Variants in AKAP9 observed in about 807,000 individuals in gnomAD.
AKAP9 encodes the protein A-kinase anchor protein 9.
AKAP9 carries 311 observed loss-of-function variants against 488.5 expected under a neutral mutation model. The observed-to-expected ratio is 0.64, with a 90% CI of 0.58 to 0.70. The LOEUF (loss-of-function observed/expected upper bound fraction) is 0.70. AKAP9 is among the 30% of genes least tolerant of loss of function. AKAP9 has a pLI of 0.00. For synonymous variants in AKAP9, 1,462 were observed against 1,483.5 expected, an observed-to-expected ratio of 0.99 and a Z score of 0.33; for missense variants, 4,215 against 4,374.5, an observed-to-expected ratio of 0.96 and a Z score of 1.03.
At chr7:92,047,611 G>T (rs899000037) in intron 21 of AKAP9, among the ~76,000 whole-genome samples, 1 of 152,172 alleles carries the variant, frequency 6.6e-6, no homozygotes, top group Non-Finnish European at 1.5e-5. Flanking sequence ...GCAATTCATA[G>T]TCTAATGAAG....
chr7:92,012,725 A>G lies in AKAP9; in HGVS notation c.3532+83A>G, dbSNP rs1800921238. 4 of 1,168,756 alleles carry G rather than the reference A, an allele frequency of 3.4e-6. 1 individual carries two copies. Among genetic ancestry groups the G allele is most frequent in the Non-Finnish European group, 3.7e-6 (3 of 801,436 alleles). The allele number at this position is 1,168,756 out of a possible 1,614,324, so 72.4% of individuals were successfully genotyped here. On this transcript the variant is annotated intron_variant, in intron 9 of 49. Coordinates refer to ENST00000356239, the MANE Select transcript of AKAP9 (RefSeq NM_005751.5). The stretch of plus-strand genomic sequence containing the variant: ...ACCATTCTATAATTTTTTCCTTGTC[A>G]TAGAACCCACAGAGGAAGGTGATTT...
chr7:91,995,718 T>G lies in AKAP9; in HGVS notation c.848T>G (p.Leu283Ter). The G allele has an allele frequency of 6.2e-7, 1 of 1,613,810 alleles. No homozygotes were observed. Among genetic ancestry groups the G allele is most frequent in the Non-Finnish European group, 8.5e-7 (1 of 1,179,712 alleles). The change falls in exon 7 of 50, where the codon TTA (leucine) becomes TGA (stop). Residue 283 changes from leucine (L) to a stop codon, truncating the protein, a stop_gained. Coordinates refer to ENST00000356239, the MANE Select transcript of AKAP9 (RefSeq NM_005751.5). LOFTEE classifies it high-confidence loss of function. ...HQQQLEEQDH[L>*]LEDYQKKKED... ...CAGCAGCTTGAAGAACAAGACCACT[T>G]ATTAGAAGATTATCAGAAAAAGAAA...
chr7:91,944,358 A>G (rs1009800673), intron 1 of AKAP9, among the ~76,000 whole-genome samples: 9 of 151,832 alleles, frequency 5.9e-5, no homozygotes, highest in South Asian at 2.1e-4. Context: ...TCTTGATACA[A>G]TGTATCTCTT....
intron 16 of AKAP9, 148 bp from the exon 17 acceptor site, chr7:92,038,271 G>T (rs1044552954): frequency 3.6e-6 from 2 of 562,672 alleles, no homozygotes; most frequent in Admixed American, 3.4e-5. Flanking sequence ...ATCCATCTCG[G>T]TATTACTTTA....
chr7:92,109,049 G>GAA (rs36114838), intron 49 of AKAP9: 154 of 176,114 alleles, frequency 8.7e-4, no homozygotes, highest in South Asian at 2.4e-3. Flanking sequence ...CTGTCTCAAA[G>GAA]AAAAAAAAAA....
intron 31 of AKAP9, 91 bp from the exon 32 acceptor site, chr7:92,082,431 C>T (rs1813741750): frequency 7.0e-7 from 1 of 1,420,684 alleles, no homozygotes; most frequent in Non-Finnish European, 9.8e-7. Flanking sequence ...GCAGTCATTC[C>T]TTGGATGGTT....
intron 3 of AKAP9, among the ~76,000 whole-genome samples, chr7:91,989,225 G>T (rs1338754401): frequency 1.3e-5 from 2 of 152,118 alleles, no homozygotes; most frequent in African/African-American, 4.8e-5. Flanking sequence ...TAGGTATATT[G>T]TGGGTTTAAT....
intron 1 of AKAP9, among the ~76,000 whole-genome samples, chr7:91,946,605 C>T (rs1207745178): frequency 2.6e-5 from 4 of 152,212 alleles, no homozygotes; most frequent in Non-Finnish European, 5.9e-5. Context: ...AACTCCTGGG[C>T]TCAAGCAATC....
At chr7:92,110,068 T>C in intron 49 of AKAP9, 54 bp from the exon 50 acceptor site, 2 of 1,345,694 alleles carry the variant, frequency 1.5e-6, no homozygotes, top group Non-Finnish European at 2.1e-6. Context: ...GTGGGTCTGA[T>C]ACAGGTAGCA....
chr7:92,029,008 AAAG>A (rs1803779393), intron 14 of AKAP9, among the ~76,000 whole-genome samples: 3 of 152,154 alleles, frequency 2.0e-5, no homozygotes, highest in Non-Finnish European at 4.4e-5. Context: ...AGAATAGGAG[AAAG>A]AAGGTTATGT....
At chr7:92,035,935 G>A (rs1805121936) in intron 16 of AKAP9, among the ~76,000 whole-genome samples, 1 of 151,228 alleles carries the variant, frequency 6.6e-6, no homozygotes, top group Non-Finnish European at 1.5e-5. Flanking sequence ...TAAAAAGGAT[G>A]TTTACGCTCT....
intron 47 of AKAP9, among the ~76,000 whole-genome samples, chr7:92,106,299 T>C (rs9690208): frequency 6.6e-6 from 1 of 151,964 alleles, no homozygotes; most frequent in African/African-American, 2.4e-5. Context: ...AGTCTGCACC[T>C]GGCCATGCTC....
chr7:91,945,837 C>T (rs1791389986), intron 1 of AKAP9, among the ~76,000 whole-genome samples: 1 of 151,832 alleles, frequency 6.6e-6, no homozygotes, highest in Admixed American at 6.6e-5. Flanking sequence ...ATTCATGGCA[C>T]GTAAAGGAAG....
At chr7:91,945,246 C>T (rs756903422) in intron 1 of AKAP9, among the ~76,000 whole-genome samples, 2 of 152,116 alleles carry the variant, frequency 1.3e-5, no homozygotes, top group Non-Finnish European at 2.9e-5. Flanking sequence ...GTGGCTCACA[C>T]CTGTAATCCA....
At chr7:92,080,989 T>C (rs902884246) in intron 31 of AKAP9, among the ~76,000 whole-genome samples, 6 of 152,206 alleles carry the variant, frequency 3.9e-5, no homozygotes, top group Admixed American at 3.9e-4. Flanking sequence ...TGTGTAGTCA[T>C]ATTATTATCA....
chr7:92,061,614 A>G (rs1454794060), intron 23 of AKAP9, among the ~76,000 whole-genome samples, 192 bp downstream of exon 23: 3 of 141,750 alleles, frequency 2.1e-5, no homozygotes, highest in Non-Finnish European at 4.6e-5. Flanking sequence ...ATATATATAT[A>G]TATATAAAAT....
chr7:92,035,927 A>T (rs1805119608), intron 16 of AKAP9, among the ~76,000 whole-genome samples: 1 of 152,078 alleles, frequency 6.6e-6, no homozygotes, highest in Non-Finnish European at 1.5e-5. Flanking sequence ...TTTTTTTTTA[A>T]AAAGGATGTT....
In AKAP9 at chr7:92,017,098, G is replaced by A. The variant is rs1269776414; in HGVS notation, c.3833G>A (p.Ser1278Asn). The change falls in exon 12 of 50, where the codon AGC (serine) becomes AAC (asparagine). Residue 1278 changes from serine (S) to asparagine (N), a missense_variant. Around this residue, in one of 5 missense-constraint regions of AKAP9, gnomAD observed 2,361 missense variants for 2,430.0 expected, o/e 0.97. Coordinates refer to ENST00000356239, the MANE Select transcript of AKAP9 (RefSeq NM_005751.5). Reference protein sequence around the residue: ...NKLLVLQTRLSKIWGQQTDGM... With the variant: ...NKLLVLQTRLNKIWGQQTDGM... ...CTCTTGGTACTTCAAACACGACTAAGCAAGGTCTGTGAGATGGAAAATATA... is the reference window on the plus strand; with the variant it reads ...CTCTTGGTACTTCAAACACGACTAAACAAGGTCTGTGAGATGGAAAATATA... 2 of 1,565,326 alleles carry A rather than the reference G, an allele frequency of 1.3e-6. No homozygotes were observed. The highest frequency in any genetic ancestry group is 1.8e-6 in the Non-Finnish European group (2 of 1,142,054).
intron 20 of AKAP9, 139 bp downstream of exon 20, chr7:92,042,910 C>T (rs955902777): frequency 1.6e-6 from 1 of 620,436 alleles, no homozygotes; most frequent in Non-Finnish European, 2.9e-6. Flanking sequence ...TGAAACATGT[C>T]CATGTATGTG....
Sources: gnomAD v4.1 joint callset for allele counts (sites outside exome capture counted in the v4.1 genomes callset) on GRCh38, gnomAD v4.1.1 for gene constraint, gnomAD v4.1.1 regional missense constraint, MANE v1.5 for transcripts, NCBI Gene and HGNC (gene_info 2026-07-23, HGNC 2026-07-21) for gene names.